The following FRMD5 variants were observed in gnomAD, a reference collection of about 807,000 sequenced individuals.
The protein encoded by FRMD5 is FERM domain-containing protein 5.
Under a neutral mutation model 69.0 loss-of-function variants are expected in FRMD5, and 20 were observed. The ratio of observed to expected loss-of-function variants is 0.29; its 90% CI spans 0.20 to 0.42. The LOEUF (loss-of-function observed/expected upper bound fraction) is 0.42. FRMD5 is among the 10% of genes least tolerant of loss of function. The probability of loss-of-function intolerance (pLI) is 1.00; values close to 1 mark genes in which losing one functional copy is unlikely to be tolerated. For missense variants in FRMD5, 595 were observed against 708.6 expected (o/e 0.84, Z 1.82); for synonymous variants, 271 against 260.1 (o/e 1.04, Z -0.40).
chr15:43,946,909 G>A (rs2089956392), intron 1 of FRMD5, among the ~76,000 whole-genome samples: 1 of 152,214 alleles, frequency 6.6e-6, no homozygotes, highest in African/African-American at 2.4e-5. Context: ...TACTTTGGAA[G>A]TCTGGTAGGC....
chr15:44,112,161 A>G (rs537099002), intron 1 of FRMD5, among the ~76,000 whole-genome samples: 20 of 152,186 alleles, frequency 1.3e-4, no homozygotes, highest in African/African-American at 4.8e-4. Flanking sequence ...CTCTCTTTTC[A>G]TATAAAAATG....
At chr15:44,062,139 T>C (rs2140382957) in intron 1 of FRMD5, among the ~76,000 whole-genome samples, 1 of 152,370 alleles carries the variant, frequency 6.6e-6, no homozygotes, top group South Asian at 2.1e-4. Flanking sequence ...TTTATTTTCC[T>C]GATGTAAATA....
chr15:43,880,918 A>T (rs1317293604), intron 13 of FRMD5, among the ~76,000 whole-genome samples: 2 of 152,184 alleles, frequency 1.3e-5, no homozygotes, highest in Non-Finnish European at 2.9e-5. Flanking sequence ...GGCTGGAGGT[A>T]AAGCCAGAGC....
At chr15:44,131,183 T>C (rs1443476569) in intron 1 of FRMD5, among the ~76,000 whole-genome samples, 1 of 152,080 alleles carries the variant, frequency 6.6e-6, no homozygotes, top group Non-Finnish European at 1.5e-5. Context: ...AAATAGCCAA[T>C]AAGTACATGA....
intron 1 of FRMD5, among the ~76,000 whole-genome samples, chr15:44,075,982 C>T (rs886333447): frequency 4.6e-5 from 7 of 152,106 alleles, no homozygotes; most frequent in Non-Finnish European, 4.4e-5. Flanking sequence ...AGTGTCTGTT[C>T]GTGTCCTTCG....
At chr15:43,919,414 C>T in intron 4 of FRMD5, 45 bp downstream of exon 4, 2 of 1,550,112 alleles carry the variant, frequency 1.3e-6, no homozygotes, top group Non-Finnish European at 1.8e-6. Flanking sequence ...CTTTCCTATG[C>T]TCTCCAACAG....
Position 43,874,181 on chromosome 15 carries a change from C to T in FRMD5, c.1417G>A (p.Glu473Lys). The change falls in exon 14 of 14, where the codon GAG becomes AAG. Residue 473 changes from glutamate to lysine, a missense_variant. Transcript: ENST00000417257. ...EASTPTATEV[E>K]ALGGELRALC... The stretch of plus-strand genomic sequence containing the variant: ...GCCCTCAGCTCTCCCCCAAGGGCCT[C>T]CACCTCTGTAGCAGTTGGGGTGCTG... 1.2e-6 allele frequency: 2 copies of T among 1,614,234 alleles called. No individual in the cohort carries two copies. The highest frequency in any genetic ancestry group is 1.7e-6 in the Non-Finnish European group (2 of 1,180,036).
intron 1 of FRMD5, among the ~76,000 whole-genome samples, chr15:44,008,586 G>A (rs970743204): frequency 6.6e-6 from 1 of 151,982 alleles, no homozygotes; most frequent in African/African-American, 2.4e-5. Flanking sequence ...TTAACATGTG[G>A]TGCACCAAAG....
At position 43,871,922 on chromosome 15, in the gene FRMD5, G is replaced by C. The variant is rs2088169867; in HGVS notation, c.*1963C>G. ...ACATGTCAGGCATGGAAACAGAGCT[G>C]ACTGACCCTCTTCTGCTAACATACT... On this transcript the variant is annotated 3_prime_UTR_variant, in exon 14 of 14. Transcript: ENST00000417257. 6.6e-6 allele frequency: 1 copy of C among 152,240 alleles called. No homozygotes were observed. The highest frequency in any genetic ancestry group is 2.4e-5 in the African/African-American group (1 of 41,458). The allele number at this position is 152,240 out of a possible 1,614,324, so 9.4% of individuals were successfully genotyped here.
At chr15:43,958,100 A>G (rs1456951136) in intron 1 of FRMD5, among the ~76,000 whole-genome samples, 1 of 152,168 alleles carries the variant, frequency 6.6e-6, no homozygotes, top group Non-Finnish European at 1.5e-5. Flanking sequence ...GGTCTTATTT[A>G]TGATACAGTG....
rs2140450196 is a variant in FRMD5, at chr15:43,924,096, T to C, written c.207+109A>G. ...AGAGACGACATCCAACTGCAGGGTC[T>C]GGTTGGTCCCTGATTCCTGAAGCTT... On this transcript the variant is annotated intron_variant, in intron 2 of 13. Transcript: ENST00000417257. The C allele has an allele frequency of 3.6e-6, 3 of 834,598 alleles. No individual in the cohort carries two copies. In the South Asian group the frequency reaches 4.4e-5, roughly 12 times the overall value. 51.7% of individuals were successfully genotyped at this position (834,598 alleles called of 1,614,324 possible). A position where few individuals can be genotyped will look rare whatever the true frequency, so the allele number is the denominator to read the frequency against.
At chr15:44,080,102 G>A (rs766942435) in intron 1 of FRMD5, among the ~76,000 whole-genome samples, 3 of 151,960 alleles carry the variant, frequency 2.0e-5, no homozygotes, top group Admixed American at 1.3e-4. Context: ...AAATGCTTAT[G>A]TTATATATAT....
At chr15:43,926,797 T>C (rs1026672766) in intron 1 of FRMD5, among the ~76,000 whole-genome samples, 6 of 150,910 alleles carry the variant, frequency 4.0e-5, no homozygotes, top group African/African-American at 1.5e-4. Flanking sequence ...TATGGGCTGA[T>C]AAGACCCTGA....
intron 1 of FRMD5, among the ~76,000 whole-genome samples, chr15:44,017,937 C>T (rs1891045238): frequency 6.6e-6 from 1 of 152,048 alleles, no homozygotes; most frequent in Non-Finnish European, 1.5e-5. Context: ...CTGCTGCAGT[C>T]CCACTGCACA....
chr15:44,117,544 G>A (rs781547750), intron 1 of FRMD5, among the ~76,000 whole-genome samples: 37 of 152,202 alleles, frequency 2.4e-4, no homozygotes, highest in Non-Finnish European at 3.8e-4. Flanking sequence ...TTGGAGGGAC[G>A]ATAAAGAGAT....
chr15:43,895,715 C>T (rs1253159181), intron 7 of FRMD5, among the ~76,000 whole-genome samples: 2 of 152,164 alleles, frequency 1.3e-5, no homozygotes, highest in Non-Finnish European at 2.9e-5. Context: ...ACCCGGTATC[C>T]GCAGGGGCAG....
intron 13 of FRMD5, among the ~76,000 whole-genome samples, chr15:43,878,049 C>T (rs759676913): frequency 3.9e-5 from 6 of 152,284 alleles, no homozygotes; most frequent in South Asian, 2.1e-4. Context: ...ATTGCCTAGA[C>T]TGGAGTGCAG....
chr15:44,017,899 G>A (rs1891043904), intron 1 of FRMD5, among the ~76,000 whole-genome samples: 1 of 151,992 alleles, frequency 6.6e-6, no homozygotes. Flanking sequence ...GTGAGCCACC[G>A]CACCTGATCA....
At chr15:43,875,390 A>ATATATG (rs1385798025) in intron 13 of FRMD5, among the ~76,000 whole-genome samples, 2,426 of 124,104 alleles carry the variant, frequency 0.02, 25 homozygotes, top group Middle Eastern at 0.041. Context: ...ATATATATAT[A>ATATATG]TATGTATGTA....
Sources: gnomAD v4.1 joint callset for allele counts (sites outside exome capture counted in the v4.1 genomes callset) on GRCh38, gnomAD v4.1.1 for gene constraint, MANE v1.5 for transcripts, NCBI Gene and HGNC (gene_info 2026-07-23, HGNC 2026-07-21) for gene names.